CTNND2: variants seen among roughly 807,000 people sequenced by gnomAD.
The protein encoded by CTNND2 is catenin delta-2.
Under a neutral mutation model 144.4 loss-of-function variants are expected in CTNND2, and 22 were observed. The ratio of observed to expected loss-of-function variants is 0.15; its 90% CI spans 0.11 to 0.22. The LOEUF is 0.22. Ranked by LOEUF, CTNND2 falls within the 10% of genes least tolerant of loss-of-function variation. CTNND2 has a pLI of 1.00. For synonymous variants in CTNND2, 751 were observed against 695.6 expected (o/e 1.08, Z -1.25); for missense variants, 1,353 against 1,618.8 (o/e 0.84, Z 2.82).
At chr5:11,361,609 C>T (rs1444115256) in intron 8 of CTNND2, among the ~76,000 whole-genome samples, 1 of 152,184 alleles carries the variant, frequency 6.6e-6, no homozygotes, top group Non-Finnish European at 1.5e-5. Context: ...TGGTAAAATA[C>T]CCAAAGCATT....
At chr5:11,386,730 A>G (rs1392100561) in intron 6 of CTNND2, among the ~76,000 whole-genome samples, 7 of 152,216 alleles carry the variant, frequency 4.6e-5, no homozygotes, top group Non-Finnish European at 1.0e-4. Context: ...TGTAAGCTCC[A>G]TGAGTTTGTT....
At chr5:11,744,667 G>A (rs1162181274) in intron 1 of CTNND2, among the ~76,000 whole-genome samples, 1 of 83,238 alleles carries the variant, frequency 1.2e-5, no homozygotes, top group Non-Finnish European at 2.3e-5. Context: ...CCTTGAAGAG[G>A]AGTGTGTGTG....
At chr5:11,265,859 G>A (rs534181294) in intron 9 of CTNND2, among the ~76,000 whole-genome samples, 8 of 151,796 alleles carry the variant, frequency 5.3e-5, no homozygotes, top group East Asian at 1.9e-4. Context: ...TTACAGGATC[G>A]CACCACCATG....
intron 6 of CTNND2, among the ~76,000 whole-genome samples, chr5:11,394,971 A>G (rs1021028940): frequency 6.6e-6 from 1 of 152,334 alleles, no homozygotes. Flanking sequence ...GACATCTGTT[A>G]GCCATCGTTT....
chr5:11,132,195 T>C (rs555183153), intron 12 of CTNND2, among the ~76,000 whole-genome samples: 1 of 152,300 alleles, frequency 6.6e-6, no homozygotes, highest in Admixed American at 6.5e-5. Flanking sequence ...GACTGCTCAC[T>C]GGGGGGCTAA....
intron 1 of CTNND2, among the ~76,000 whole-genome samples, chr5:11,811,054 T>C (rs1235967765): frequency 6.6e-6 from 1 of 152,188 alleles, no homozygotes; most frequent in Non-Finnish European, 1.5e-5. Context: ...TATAAACCAC[T>C]ACTCTACCTA....
intron 12 of CTNND2, among the ~76,000 whole-genome samples, chr5:11,144,833 G>A (rs768606798): frequency 1.8e-4 from 28 of 152,232 alleles, no homozygotes; most frequent in Admixed American, 9.2e-4. Context: ...ATGTGTGTAG[G>A]ATGCTATGCC....
intron 12 of CTNND2, among the ~76,000 whole-genome samples, chr5:11,120,004 T>C (rs573995787): frequency 6.6e-6 from 1 of 152,328 alleles, no homozygotes; most frequent in Admixed American, 6.5e-5. Context: ...ATAATCAAAA[T>C]GAACAACTTA....
chr5:11,824,056 T>C (rs1251521007), intron 1 of CTNND2, among the ~76,000 whole-genome samples: 1 of 146,088 alleles, frequency 6.8e-6, no homozygotes, highest in Non-Finnish European at 1.5e-5. Flanking sequence ...TGAGTCATGA[T>C]TGCACCACTG....
chr5:11,464,576 G>A (rs1033807234), intron 3 of CTNND2, among the ~76,000 whole-genome samples: 1 of 152,124 alleles, frequency 6.6e-6, no homozygotes, highest in Non-Finnish European at 1.5e-5. Flanking sequence ...GGGAAGTAGG[G>A]AGTGAAGTGA....
chr5:11,467,148 G>A lies in CTNND2; in HGVS notation c.288-55079C>T, dbSNP rs61757530. 5.3e-5 allele frequency among the ~76,000 whole-genome samples: 8 copies of A among 152,348 alleles called. No individual in the cohort carries two copies. The East Asian group carries it at 1.4e-3, about 26-fold the overall frequency. ...CCATCATCTGTAAGAGATCCATAGC[G>A]TGGCCCTGGATGTGCAGAAAAGTGT... is the stretch of plus-strand genomic sequence containing the variant. On this transcript the variant is annotated intron_variant, in intron 3 of 21. Coordinates refer to ENST00000304623, the MANE Select transcript of CTNND2 (RefSeq NM_001332.4).
At chr5:11,270,146 G>C (rs26465) in intron 9 of CTNND2, among the ~76,000 whole-genome samples, 35,271 of 151,976 alleles carry the variant, frequency 0.23, 4,228 homozygotes, top group Admixed American at 0.28. Flanking sequence ...TTAGTTCCTT[G>C]TAGAAGAACT....
intron 9 of CTNND2, among the ~76,000 whole-genome samples, chr5:11,288,718 A>G (rs1409942228): frequency 6.6e-6 from 1 of 152,168 alleles, no homozygotes; most frequent in Non-Finnish European, 1.5e-5. Context: ...TTTTAAAGAA[A>G]TAAGAGATCA....
chr5:11,555,293 T>C (rs2150091172), intron 3 of CTNND2, among the ~76,000 whole-genome samples: 1 of 152,268 alleles, frequency 6.6e-6, no homozygotes, highest in Non-Finnish European at 1.5e-5. Flanking sequence ...AAAGCCTTAG[T>C]ATGGGAGGCA....
intron 9 of CTNND2, among the ~76,000 whole-genome samples, chr5:11,257,878 C>T (rs1347785891): frequency 6.6e-6 from 1 of 152,190 alleles, no homozygotes; most frequent in African/African-American, 2.4e-5. Flanking sequence ...GATGGTAAGG[C>T]ACCTGACAGT....
intron 2 of CTNND2, among the ~76,000 whole-genome samples, chr5:11,585,600 C>G (rs1057323238): frequency 6.6e-6 from 1 of 151,994 alleles, no homozygotes; most frequent in East Asian, 1.9e-4. Context: ...TGAAAAAAAT[C>G]AGACAAAAAT....
At chr5:11,375,851 G>C (rs142835754) in intron 7 of CTNND2, among the ~76,000 whole-genome samples, 1 of 152,268 alleles carries the variant, frequency 6.6e-6, no homozygotes, top group Non-Finnish European at 1.5e-5. Flanking sequence ...GGGGGAAAGG[G>C]GACTGTTTTT....
intron 9 of CTNND2, among the ~76,000 whole-genome samples, chr5:11,247,624 GCTT>G (rs1313593678): frequency 6.6e-6 from 1 of 152,182 alleles, no homozygotes; most frequent in African/African-American, 2.4e-5. Context: ...CAAGCAATGG[GCTT>G]CTTCTCTGAA....
Position 11,384,144 on chromosome 5 carries a change from C to A in CTNND2, c.1177+521G>T, listed in dbSNP as rs959997750. ...AGCAAAGATGTAAATAAATTCAAGC[C>A]AAAACAAAAGGGTAATAATTCAAGG... On this transcript the variant is annotated intron_variant, in intron 7 of 21. Coordinates refer to ENST00000304623, the MANE Select transcript of CTNND2 (RefSeq NM_001332.4). This position sits in a 1 kb window ranked among gnomAD's most constrained non-coding sequence, Gnocchi z 5.2. Among the ~76,000 whole-genome samples, 3 of 152,120 alleles carry A rather than the reference C, an allele frequency of 2.0e-5. No homozygotes were observed. Among genetic ancestry groups the A allele is most frequent in the African/African-American group, 7.2e-5 (3 of 41,414 alleles).
Sources: gnomAD v4.1 joint callset for allele counts (sites outside exome capture counted in the v4.1 genomes callset) on GRCh38, gnomAD v4.1.1 for gene constraint, Gnocchi (gnomAD v3.1) non-coding constraint, MANE v1.5 for transcripts, NCBI Gene and HGNC (gene_info 2026-07-23, HGNC 2026-07-21) for gene names.